FKTN: variants seen among roughly 807,000 people sequenced by gnomAD.
FKTN encodes the protein fukutin.
In FKTN, 47 loss-of-function variants were observed where a neutral mutation model predicts 58.6. The observed-to-expected ratio is 0.80, with a 90% CI of 0.63 to 1.02. The LOEUF (loss-of-function observed/expected upper bound fraction) is 1.02. Ranked by LOEUF, FKTN falls within the 50% of genes least tolerant of loss-of-function variation. FKTN has a pLI of 0.00. For synonymous variants in FKTN, 178 were observed against 191.9 expected (o/e 0.93, Z 0.60); for missense variants, 516 against 537.3 (o/e 0.96, Z 0.39).
At chr9:105,602,167 A>G (rs1827993529) in intron 5 of FKTN, among the ~76,000 whole-genome samples, 1 of 152,236 alleles carries the variant, frequency 6.6e-6, no homozygotes, top group Non-Finnish European at 1.5e-5. Context: ...TGACTATTGT[A>G]TTCCTGAGAA....
At chr9:105,580,563 A>T (rs1474288441) in intron 3 of FKTN, among the ~76,000 whole-genome samples, 4 of 100,366 alleles carry the variant, frequency 4.0e-5, no homozygotes, top group South Asian at 4.4e-4. Context: ...CTTCCCTTTG[A>T]GGGTAACCCG....
intron 3 of FKTN, among the ~76,000 whole-genome samples, chr9:105,593,681 A>G (rs1201007534): frequency 2.6e-5 from 4 of 152,216 alleles, no homozygotes; most frequent in South Asian, 2.1e-4. Flanking sequence ...AAGAACTGAC[A>G]AGTTAAAGAA....
chr9:105,631,711 C>CA (rs879427795), intron 10 of FKTN, among the ~76,000 whole-genome samples: 11 of 149,698 alleles, frequency 7.3e-5, no homozygotes, highest in Non-Finnish European at 1.2e-4. Flanking sequence ...ATCAAAACCA[C>CA]AATGAGATAC....
At chr9:105,607,653 G>A (rs1213259349) in intron 6 of FKTN, among the ~76,000 whole-genome samples, 166 bp from the exon 7 acceptor site, 1 of 151,888 alleles carries the variant, frequency 6.6e-6, no homozygotes, top group Non-Finnish European at 1.5e-5. Context: ...CACATGTACT[G>A]AACGTGCAGG....
intron 10 of FKTN, among the ~76,000 whole-genome samples, chr9:105,631,671 T>C (rs1833472301): frequency 6.6e-6 from 1 of 151,646 alleles, no homozygotes; most frequent in African/African-American, 2.4e-5. Flanking sequence ...GAAAAAATGC[T>C]CATCATCACT....
chr9:105,604,003 C>T (rs747679460), intron 5 of FKTN, among the ~76,000 whole-genome samples: 6 of 152,158 alleles, frequency 3.9e-5, no homozygotes, highest in Admixed American at 6.5e-5. Flanking sequence ...TTTCCTGCTA[C>T]ATACTTTGTA....
intron 4 of FKTN, chr9:105,600,941 T>C (rs1234827102): frequency 4.0e-6 from 2 of 496,206 alleles, no homozygotes; most frequent in South Asian, 2.5e-5. Context: ...ATATTGAAAA[T>C]GTTCATCTTT....
rs148489752 is a variant in FKTN, at chr9:105,569,591, A to C, written c.-180-4064A>C. 6.3e-4 allele frequency among the ~76,000 whole-genome samples: 96 copies of C among 152,304 alleles called. 4 individuals are homozygous for C. The East Asian group carries it at 0.018, about 28-fold the overall frequency. On this transcript the variant is annotated intron_variant, in intron 1 of 10. Transcript: ENST00000357998. ...CTCTGACACCTATAACCCATTCATGATTTAGTTGGTAAGCAGATCTGCCCA... is the reference window on the plus strand; with the variant it reads ...CTCTGACACCTATAACCCATTCATGCTTTAGTTGGTAAGCAGATCTGCCCA...
chr9:105,566,754 C>T (rs59607346), intron 1 of FKTN, among the ~76,000 whole-genome samples: 41,102 of 152,008 alleles, frequency 0.27, 5,766 homozygotes, highest in Non-Finnish European at 0.31. Context: ...GAAATTATTC[C>T]AATCAACAGA....
chr9:105,614,411 C>T (rs531612653), intron 7 of FKTN, among the ~76,000 whole-genome samples: 1 of 152,240 alleles, frequency 6.6e-6, no homozygotes, highest in Non-Finnish European at 1.5e-5. Flanking sequence ...TACTCAGGCA[C>T]TACTCTACCC....
chr9:105,573,968 T>C (rs1174555626), intron 2 of FKTN, among the ~76,000 whole-genome samples: 2 of 152,184 alleles, frequency 1.3e-5, no homozygotes, highest in Non-Finnish European at 2.9e-5. Flanking sequence ...AAGTTCTTTT[T>C]GATAAACTGC....
In FKTN at chr9:105,618,761, T is replaced by C. The variant is rs139720627; in HGVS notation, c.1044+669T>C. On this transcript the variant is annotated intron_variant, in intron 9 of 10. Transcript: ENST00000357998. ...GCTTGTCCCCTCGGAGGTGTTACCC[T>C]ACAAGCAAGTAAAAATATGTTTAGT... Among the ~76,000 whole-genome samples, 413 of 152,232 alleles carry C rather than the reference T, an allele frequency of 2.7e-3. 6 individuals carry two copies. The highest frequency in any genetic ancestry group is 0.015 in the East Asian group (75 of 5,164).
intron 3 of FKTN, among the ~76,000 whole-genome samples, chr9:105,579,764 G>A (rs1842503092): frequency 6.9e-6 from 1 of 145,568 alleles, no homozygotes; most frequent in Admixed American, 6.9e-5. Context: ...TTGACAGTGG[G>A]GTGTTAAAGT....
chr9:105,573,726 T>A lies in FKTN; in HGVS notation c.-109T>A, dbSNP rs955239356. 6.6e-6 allele frequency: 1 copy of A among 152,068 alleles called. No individual in the cohort carries two copies. Among genetic ancestry groups the A allele is most frequent in the African/African-American group, 2.4e-5 (1 of 41,348 alleles). The allele number at this position is 152,068 out of a possible 1,614,324, so 9.4% of individuals were successfully genotyped here. A position where few individuals can be genotyped will look rare whatever the true frequency, so the allele number is the denominator to read the frequency against. ...CAACATCCTTGTATAACCTAGTTTT[T>A]AAAAAAATTGGATTTCAAAGGTAAG... On this transcript the variant is annotated 5_prime_UTR_variant, in exon 2 of 11. Coordinates refer to ENST00000357998, the MANE Select transcript of FKTN (RefSeq NM_001079802.2).
intron 1 of FKTN, among the ~76,000 whole-genome samples, chr9:105,566,381 A>C (rs1839618256): frequency 6.6e-6 from 1 of 152,176 alleles, no homozygotes; most frequent in Admixed American, 6.5e-5. Flanking sequence ...TGAAAAGGTC[A>C]ACAAAATTGA....
intron 10 of FKTN, among the ~76,000 whole-genome samples, chr9:105,632,499 C>A (rs1358861428): frequency 6.6e-6 from 1 of 151,514 alleles, no homozygotes; most frequent in African/African-American, 2.4e-5. Flanking sequence ...GATGTTGTCT[C>A]TATCTCTCTG....
chr9:105,637,338 C>T lies in FKTN; in HGVS notation c.*2074C>T, dbSNP rs1834115394. The T allele has an allele frequency of 1.0e-6, 1 of 985,116 alleles. No individual in the cohort carries two copies. Among genetic ancestry groups the T allele is most frequent in the African/African-American group, 1.7e-5 (1 of 57,224 alleles). The allele number at this position is 985,116 out of a possible 1,614,324, so 61.0% of individuals were successfully genotyped here. A position where few individuals can be genotyped will look rare whatever the true frequency, so the allele number is the denominator to read the frequency against. On this transcript the variant is annotated 3_prime_UTR_variant, in exon 11 of 11. Transcript: ENST00000357998. ...TCTTAAGAGTGTCTGAAATCCAAGACATCTTGGCCCAATTGACACAGGTTC... is the reference window on the plus strand; with the variant it reads ...TCTTAAGAGTGTCTGAAATCCAAGATATCTTGGCCCAATTGACACAGGTTC...
At chr9:105,633,747 A>G (rs1833756387) in intron 10 of FKTN, among the ~76,000 whole-genome samples, 1 of 152,200 alleles carries the variant, frequency 6.6e-6, no homozygotes, top group Admixed American at 6.5e-5. Context: ...TCTCCTTTTC[A>G]TGTATGGCTT....
intron 1 of FKTN, among the ~76,000 whole-genome samples, chr9:105,568,888 C>T (rs1840204629): frequency 6.6e-6 from 1 of 152,098 alleles, no homozygotes; most frequent in Non-Finnish European, 1.5e-5. Flanking sequence ...TGGAACCAAC[C>T]CAGATGTCCA....
Sources: allele counts gnomAD v4.1 joint callset (sites outside exome capture counted in the v4.1 genomes callset), GRCh38; gene constraint gnomAD v4.1.1; transcripts MANE v1.5; gene names NCBI Gene and HGNC (gene_info 2026-07-23, HGNC 2026-07-21).